Variants in ZNF730 observed in about 807,000 individuals in gnomAD.
ZNF730 encodes the protein zinc finger protein 730.
Under a neutral mutation model 12.6 loss-of-function variants are expected in ZNF730, and 12 were observed. The observed-to-expected ratio is 0.95, with a 90% CI of 0.61 to 1.54. The LOEUF (loss-of-function observed/expected upper bound fraction) is 1.54. Ranked by LOEUF, ZNF730 falls within the 40% of genes most tolerant of loss-of-function variation. The pLI, the probability that ZNF730 is intolerant of heterozygous loss-of-function variation, is 0.00. For synonymous variants in ZNF730, 194 were observed against 195.8 expected (o/e 0.99, Z 0.08); for missense variants, 643 against 583.5 (o/e 1.10, Z -1.05).
At chr19:23,116,962 C>A, upstream of ZNF730, 1 of 410,876 alleles carries the variant, frequency 2.4e-6, no homozygotes, top group Non-Finnish European at 3.8e-6. Context: ...GGACACTGGG[C>A]GGGGGGCCGT....
intron 1 of ZNF730, among the ~76,000 whole-genome samples, chr19:23,106,956 CAT>C (rs1970399568): frequency 6.6e-6 from 1 of 151,980 alleles, no homozygotes; most frequent in Non-Finnish European, 1.5e-5. Flanking sequence ...TATATGTTGG[CAT>C]ATACACACAC....
chr19:23,084,977 C>T (rs971459475), intron 1 of ZNF730, among the ~76,000 whole-genome samples: 4 of 151,746 alleles, frequency 2.6e-5, no homozygotes, highest in African/African-American at 9.7e-5. Flanking sequence ...AGCTATATAC[C>T]CAGTAATGAA....
At chr19:23,129,972 T>G in intron 1 of ZNF730, among the ~76,000 whole-genome samples, 1 of 141,710 alleles carries the variant, frequency 7.1e-6, no homozygotes, top group Non-Finnish European at 1.5e-5. Context: ...CCAGCCTGGG[T>G]GCTGGAGCGA....
At chr19:23,119,297 G>A (rs1970569753) in intron 1 of ZNF730, among the ~76,000 whole-genome samples, 1 of 152,114 alleles carries the variant, frequency 6.6e-6, no homozygotes, top group Admixed American at 6.6e-5. Context: ...TAATTTTGTG[G>A]TTTTTATCTG....
intron 1 of ZNF730, among the ~76,000 whole-genome samples, chr19:23,093,647 C>T (rs574129546): frequency 6.6e-6 from 1 of 152,236 alleles, no homozygotes; most frequent in Non-Finnish European, 1.5e-5. Flanking sequence ...GCCCAGCAGG[C>T]TCCATCCCAG....
At chr19:23,098,750 AT>A (rs1568305203) in intron 1 of ZNF730, among the ~76,000 whole-genome samples, 1 of 152,064 alleles carries the variant, frequency 6.6e-6, no homozygotes, top group African/African-American at 2.4e-5. Context: ...AAAATTTTAC[AT>A]ATCATTTGCC....
rs538045095 is a variant in ZNF730, at chr19:23,146,264, G to A, written c.1220G>A (p.Arg407His). The A allele has an allele frequency of 1.0e-4, 167 of 1,610,370 alleles. No homozygotes were observed. Among genetic ancestry groups the A allele is most frequent in the African/African-American group, 1.8e-4 (13 of 74,194 alleles). ...GAAGAATGTGGCAAAGCCTTTAGCC[G>A]TATCTCACACCTTACTACACATAAG... ...KCEECGKAFS[R>H]ISHLTTHKRI... is the part of the protein sequence containing the mutation. Residue 407 changes from arginine to histidine, a missense_variant, in exon 4 of 4, where the codon CGT becomes CAT. Arg to His is a conservative substitution (Grantham distance 29). Coordinates refer to ENST00000597761, the MANE Select transcript of ZNF730 (RefSeq NM_001277403.2).
At chr19:23,135,820 A>C (rs918230442) in intron 2 of ZNF730, 128 bp from the exon 3 acceptor site, 9 of 923,092 alleles carry the variant, frequency 9.7e-6, no homozygotes, top group African/African-American at 8.8e-5. Flanking sequence ...CTATTTAGAA[A>C]ATTTTTATAA....
At chr19:23,084,549 G>T (rs1156297042) in intron 1 of ZNF730, among the ~76,000 whole-genome samples, 1 of 152,112 alleles carries the variant, frequency 6.6e-6, no homozygotes. Flanking sequence ...TGTCATATGG[G>T]TTTGTTGTAA....
chr19:23,101,634 A>G (rs1342068689), intron 1 of ZNF730, among the ~76,000 whole-genome samples: 1 of 152,186 alleles, frequency 6.6e-6, no homozygotes. Context: ...TGATGGTGCA[A>G]TCTCCGCTCA....
intron 3 of ZNF730, among the ~76,000 whole-genome samples, chr19:23,142,378 CTATT>C (rs1405936684): frequency 2.0e-5 from 3 of 148,284 alleles, no homozygotes; most frequent in East Asian, 2.0e-4. Flanking sequence ...TTTAATAAAT[CTATT>C]TATTGAAAGT....
At chr19:23,102,769 T>G (rs1258028775) in intron 1 of ZNF730, among the ~76,000 whole-genome samples, 1 of 152,132 alleles carries the variant, frequency 6.6e-6, no homozygotes, top group Non-Finnish European at 1.5e-5. Flanking sequence ...GTTCTGGGAT[T>G]ACAGGCATGA....
At chr19:23,086,578 G>A (rs1216287085) in intron 1 of ZNF730, among the ~76,000 whole-genome samples, 1 of 152,172 alleles carries the variant, frequency 6.6e-6, no homozygotes. Context: ...TGTCAGCTTT[G>A]TCAAAGGTCA....
intron 1 of ZNF730, among the ~76,000 whole-genome samples, chr19:23,129,572 T>G (rs1329253376): frequency 7.2e-6 from 1 of 138,486 alleles, no homozygotes; most frequent in African/African-American, 2.8e-5. Flanking sequence ...AATGCTTGTA[T>G]CCCCCCCCCC....
Position 23,145,369 on chromosome 19 carries a change from G to A in ZNF730, c.325G>A (p.Glu109Lys), listed in dbSNP as rs1431236702. ...ILRQYKKCRH[E>K]NLLLRKGCKN... ...GAGACAATATAAAAAATGTAGACAT[G>A]AGAATTTACTGTTAAGAAAAGGCTG... The change falls in exon 4 of 4, where the codon GAG (glutamate) becomes AAG (lysine). Residue 109 changes from glutamate (E) to lysine (K), a missense_variant. Physicochemically the swap from Glu to Lys is moderately conservative, Grantham distance 56. Transcript: ENST00000597761. 2 of 1,593,972 alleles carry A rather than the reference G, an allele frequency of 1.3e-6. No individual in the cohort carries two copies. Among genetic ancestry groups the A allele is most frequent in the Non-Finnish European group, 1.7e-6 (2 of 1,170,782 alleles).
chr19:23,092,558 C>T (rs1359532938), intron 1 of ZNF730, among the ~76,000 whole-genome samples: 1 of 152,108 alleles, frequency 6.6e-6, no homozygotes, highest in Admixed American at 6.5e-5. Context: ...CATTGCACTC[C>T]AGCCTGGGCA....
intron 1 of ZNF730, among the ~76,000 whole-genome samples, chr19:23,092,241 A>G (rs1035829639): frequency 1.3e-5 from 2 of 152,030 alleles, no homozygotes; most frequent in African/African-American, 4.8e-5. Context: ...GTCCAATTAA[A>G]CCTTTTTCTT....
chr19:23,088,946 C>T (rs926380108), intron 1 of ZNF730, among the ~76,000 whole-genome samples: 2 of 150,170 alleles, frequency 1.3e-5, no homozygotes, highest in African/African-American at 2.5e-5. Flanking sequence ...GATCTCGGCT[C>T]ACCACAACCT....
intron 1 of ZNF730, among the ~76,000 whole-genome samples, chr19:23,076,528 C>T (rs1045698213): frequency 6.6e-6 from 1 of 151,988 alleles, no homozygotes; most frequent in East Asian, 1.9e-4. Context: ...CCAGGATGCC[C>T]GTAGTGACCA....
Sources: gnomAD v4.1 joint callset for allele counts (sites outside exome capture counted in the v4.1 genomes callset) on GRCh38, gnomAD v4.1.1 for gene constraint, MANE v1.5 for transcripts, NCBI Gene and HGNC (gene_info 2026-07-23, HGNC 2026-07-21) for gene names.